PDXDC1: variants seen among roughly 807,000 people sequenced by gnomAD.
PDXDC1 encodes the protein pyridoxal dependent decarboxylase domain containing 1, also known as pyridoxal-dependent decarboxylase domain-containing protein 1.
A neutral mutation model predicts 100.1 loss-of-function variants in PDXDC1; 42 were observed. The observed-to-expected ratio is 0.42, with a 90% confidence interval of 0.33 to 0.54. The LOEUF (loss-of-function observed/expected upper bound fraction) is 0.54. Among genes scored for constraint, PDXDC1 ranks in the 20% least tolerant of loss-of-function variants. The probability of loss-of-function intolerance (pLI) is 0.10; values close to 1 mark genes in which losing one functional copy is unlikely to be tolerated. For missense variants in PDXDC1, 636 were observed against 979.2 expected, an observed-to-expected ratio of 0.65 and a Z score of 4.68; for synonymous variants, 260 against 371.7, an observed-to-expected ratio of 0.70 and a Z score of 3.46.
Position 15,028,931 on chromosome 16 carries a change from C to T in PDXDC1, c.1258C>T (p.Arg420Trp), listed in dbSNP as rs372184413. ...CAACATGACACCTTCAGGAGTCGGC[C>T]GGGAGAGGCACTCGTGTGACGCGCT... is the stretch of plus-strand genomic sequence containing the variant. The part of the protein sequence containing the change: ...VPNMTPSGVG[R>W]ERHSCDALNR... The change falls in exon 15 of 23, where the codon CGG becomes TGG. Residue 420 changes from arginine to tryptophan, a missense_variant. Physicochemically the swap from Arg to Trp is moderately radical, Grantham distance 101. This residue lies in a region of PDXDC1 where 44 missense variants were observed against 46.9 expected (regional missense o/e 0.94). Transcript: ENST00000396410. 14 of 1,613,600 alleles carry T rather than the reference C, an allele frequency of 8.7e-6. No homozygotes were observed. Among genetic ancestry groups the T allele is most frequent in the Admixed American group, 3.3e-5 (2 of 60,004 alleles).
chr16:15,004,166 T>C (rs191329520), intron 4 of PDXDC1, 21 bp from the exon 5 acceptor site: 1,656 of 1,605,456 alleles, frequency 1.0e-3, no homozygotes, highest in Admixed American at 2.7e-3. Context: ...TTGACTCTAA[T>C]ACTTTAATTT....
chr16:15,038,399 G>A (rs2043641994), downstream of PDXDC1: 4 of 623,040 alleles, frequency 6.4e-6, no homozygotes, highest in Admixed American at 9.4e-5. Context: ...TTCCATCTAG[G>A]ACTTGACATA....
chr16:15,097,004 G>T (rs2151839706), intron 16 of PDXDC1, among the ~76,000 whole-genome samples: 1 of 152,290 alleles, frequency 6.6e-6, no homozygotes, highest in African/African-American at 2.4e-5. Flanking sequence ...ACTCACACCT[G>T]TAATGCCAGA....
chr16:15,034,148 G>C, intron 19 of PDXDC1, 138 bp from the exon 20 acceptor site: 1 of 686,292 alleles, frequency 1.5e-6, no homozygotes, highest in Non-Finnish European at 2.5e-6. Context: ...TTGAGTTTCT[G>C]TTCGTTTTAC....
At chr16:15,058,336 G>A (rs1013446140) in intron 16 of PDXDC1, among the ~76,000 whole-genome samples, 16 of 152,056 alleles carry the variant, frequency 1.1e-4, no homozygotes, top group Non-Finnish European at 2.1e-4. Flanking sequence ...TTACAATGTT[G>A]GAAAGCCTGT....
rs546128215 is a variant in PDXDC1, at chr16:15,109,916, G to T, written c.1400-28963G>T. 1.2e-4 allele frequency among the ~76,000 whole-genome samples: 17 copies of T among 143,232 alleles called. No individual in the cohort carries two copies. In the East Asian group the frequency reaches 2.2e-3, roughly 19 times the overall value. 94.0% of individuals were successfully genotyped at this position (143,232 alleles called of 152,430 possible). On this transcript the variant is annotated intron_variant, in intron 16 of 16. Transcript: ENST00000535621. ...CGCCTCTAATCCCAGCACTTTGGGA[G>T]GCTGAGGCGGGTGGATTACCTGAGG... is the stretch of plus-strand genomic sequence containing the variant.
At chr16:14,982,651 T>G (rs1469102923) in intron 1 of PDXDC1, among the ~76,000 whole-genome samples, 1 of 152,276 alleles carries the variant, frequency 6.6e-6, no homozygotes, top group Non-Finnish European at 1.5e-5. Flanking sequence ...AAACTGAGAC[T>G]CCAATAAGAT....
At chr16:15,147,265 C>G in the PDXDC1 span, among the ~76,000 whole-genome samples, 1 of 152,180 alleles carries the variant, frequency 6.6e-6, no homozygotes, top group East Asian at 1.9e-4. Context: ...GACTCGGAAG[C>G]GCCACTGCCA....
chr16:14,979,381 C>G (rs1210747756), intron 1 of PDXDC1, among the ~76,000 whole-genome samples: 4 of 152,276 alleles, frequency 2.6e-5, no homozygotes. Flanking sequence ...CCTCTGCTTT[C>G]CGGGTTCAAG....
Position 15,037,974 on chromosome 16 carries a change from AGCCC to A in PDXDC1, c.*1700_*1703del. On this transcript the variant is annotated 3_prime_UTR_variant, in exon 23 of 23. Coordinates refer to ENST00000396410, the MANE Select transcript of PDXDC1 (RefSeq NM_015027.4). ...TAGGATCCAGATCTGGATTCGTGCC[AGCCC>A]CACCAATGGTCTGTCAGGCCAAGAA... is the stretch of plus-strand genomic sequence containing the variant. 7.5e-7 allele frequency: 1 copy of A among 1,334,750 alleles called. No individual in the cohort carries two copies. The highest frequency in any genetic ancestry group is 1.1e-6 in the Non-Finnish European group (1 of 941,368). 82.7% of individuals were successfully genotyped at this position (1,334,750 alleles called of 1,614,324 possible). A position where few individuals can be genotyped will look rare whatever the true frequency, so the allele number is the denominator to read the frequency against.
At chr16:15,127,423 G>A (rs1323620030) in intron 16 of PDXDC1, 11 of 1,475,572 alleles carry the variant, frequency 7.5e-6, no homozygotes, top group Non-Finnish European at 1.0e-5. Context: ...TGGTGCCGAG[G>A]CCCAGGCTCC....
chr16:15,145,634 C>G, the PDXDC1 span, among the ~76,000 whole-genome samples: 2 of 152,256 alleles, frequency 1.3e-5, no homozygotes, highest in African/African-American at 2.4e-5. Context: ...AGATGTAGCC[C>G]TTCTCCTGCC....
At chr16:15,027,444 CACTT>C (rs1222759373) in intron 14 of PDXDC1, among the ~76,000 whole-genome samples, 1 of 152,272 alleles carries the variant, frequency 6.6e-6, no homozygotes, top group Non-Finnish European at 1.5e-5. Flanking sequence ...TGTTTTAGCT[CACTT>C]AGACCCCCTT....
chr16:15,032,926 C>G lies in PDXDC1; in HGVS notation c.1637C>G (p.Ala546Gly), dbSNP rs772026467. 1.2e-6 allele frequency: 2 copies of G among 1,611,988 alleles called. No individual in the cohort carries two copies. ...KSDPEGENIH[A>G]GLLKKLNELE... ...GATCCCGAAGGGGAAAACATCCATG[C>G]TGGACTCCTGAAGAAGTTAAATGAA... The change falls in exon 18 of 23, where the codon GCT becomes GGT. Residue 546 changes from alanine to glycine, a missense_variant. Transcript: ENST00000396410.
chr16:15,135,472 T>C (rs1489330802), intron 16 of PDXDC1: 9 of 1,205,078 alleles, frequency 7.5e-6, no homozygotes, highest in Admixed American at 2.0e-5. Flanking sequence ...GAGAACCCCA[T>C]CCAGTTTTAA....
At chr16:15,001,585 C>T (rs953618585) in intron 3 of PDXDC1, among the ~76,000 whole-genome samples, 191 bp from the exon 4 acceptor site, 4 of 152,272 alleles carry the variant, frequency 2.6e-5, no homozygotes, top group Non-Finnish European at 5.9e-5. Flanking sequence ...AAATTTATAT[C>T]GGAATTCAGT....
chr16:15,097,938 C>CCTT, intron 16 of PDXDC1, among the ~76,000 whole-genome samples: 1 of 89,634 alleles, frequency 1.1e-5, no homozygotes, highest in Non-Finnish European at 2.0e-5. Flanking sequence ...CAACATTATG[C>CCTT]TTTTTTTTTT....
downstream of PDXDC1, chr16:15,039,989 G>A (rs779534447): frequency 9.3e-6 from 15 of 1,604,648 alleles, no homozygotes; most frequent in Admixed American, 1.7e-5. Flanking sequence ...GCTAAAGTTC[G>A]CGCAGCACGA....
intron 16 of PDXDC1, chr16:15,125,616 C>T (rs545939918): frequency 3.4e-6 from 4 of 1,185,488 alleles, no homozygotes; most frequent in East Asian, 2.3e-5. Flanking sequence ...GAGAGGTGCA[C>T]AGTGTCTGGA....
Sources: allele counts gnomAD v4.1 joint callset (sites outside exome capture counted in the v4.1 genomes callset), GRCh38; gene constraint gnomAD v4.1.1; regional missense constraint gnomAD v4.1.1; transcripts MANE v1.5; gene names NCBI Gene and HGNC (gene_info 2026-07-23, HGNC 2026-07-21).